The following WEE2 variants were observed in gnomAD, a reference collection of about 807,000 sequenced individuals.
The protein encoded by WEE2 is WEE2 oocyte meiosis inhibiting kinase, also known as wee1-like protein kinase 2.
In WEE2, 50 loss-of-function variants were observed where a neutral mutation model predicts 60.1. The observed-to-expected ratio is 0.83, with a 90% CI of 0.66 to 1.05. WEE2 has a LOEUF of 1.05. Ranked by LOEUF, WEE2 falls within the 50% of genes least tolerant of loss-of-function variation. The pLI is 0.00. For synonymous variants in WEE2, 240 were observed against 241.0 expected, an observed-to-expected ratio of 1.00 and a Z score of 0.04; for missense variants, 631 against 684.3, an observed-to-expected ratio of 0.92 and a Z score of 0.87.
intron 3 of WEE2, among the ~76,000 whole-genome samples, 156 bp from the exon 4 acceptor site, chr7:141,718,916 T>G (rs979056596): frequency 1.3e-5 from 2 of 152,222 alleles, no homozygotes; most frequent in African/African-American, 4.8e-5. Context: ...GGGGAGATTC[T>G]TGCTACCATG....
At position 141,711,856 on chromosome 7, in the gene WEE2, C is replaced by T. The variant is rs530458714; in HGVS notation, c.343-2353C>T. The T allele has an allele frequency of 6.6e-6, 1 of 152,292 alleles. No individual in the cohort carries two copies. The highest frequency in any genetic ancestry group is 2.4e-5 in the African/African-American group (1 of 41,492). The allele number at this position is 152,292 out of a possible 1,614,324, so 9.4% of individuals were successfully genotyped here. A position where few individuals can be genotyped will look rare whatever the true frequency, so the allele number is the denominator to read the frequency against. On this transcript the variant is annotated intron_variant, in intron 1 of 11. Coordinates refer to ENST00000397541, the MANE Select transcript of WEE2 (RefSeq NM_001105558.1). This position sits in a 1 kb window ranked among gnomAD's most constrained non-coding sequence, Gnocchi z 4.2. ...TGGCAGAAGGTGGACAGAAACAAGG[C>T]AGCTTGTTACATGGTGAGAGAAAAA...
chr7:141,729,634 C>T lies in WEE2; in HGVS notation c.1639C>T (p.Leu547=), dbSNP rs780486522. Residue 547 remains leucine (L), a synonymous_variant, in exon 11 of 12, where the codon CTG becomes TTG. Coordinates refer to ENST00000397541, the MANE Select transcript of WEE2 (RefSeq NM_001105558.1). ...THTGSRSTKR[L]VGGKSARSSS... is the part of the protein sequence containing the mutation. ...CACAGGATCAAGAAGCACAAAACGC[C>T]TGGTGGGAGGAAAGAGTGCAAGGTC... is the stretch of plus-strand genomic sequence containing the variant. 2.5e-6 allele frequency: 4 copies of T among 1,613,870 alleles called. No individual in the cohort carries two copies. The highest frequency in any genetic ancestry group is 3.4e-6 in the Non-Finnish European group (4 of 1,180,006).
At chr7:141,725,542 T>C (rs1182032875) in intron 9 of WEE2, among the ~76,000 whole-genome samples, 1 of 151,234 alleles carries the variant, frequency 6.6e-6, no homozygotes, top group Non-Finnish European at 1.5e-5. Context: ...GGAGAATGTC[T>C]TGAACCCAGG....
intron 5 of WEE2, among the ~76,000 whole-genome samples, chr7:141,721,827 C>T (rs536921676): frequency 5.9e-5 from 9 of 152,176 alleles, no homozygotes; most frequent in African/African-American, 9.6e-5. Context: ...CTAATTAATA[C>T]GTCATATATA....
chr7:141,709,949 C>T (rs1798685955), intron 1 of WEE2, among the ~76,000 whole-genome samples: 1 of 152,124 alleles, frequency 6.6e-6, no homozygotes, highest in Non-Finnish European at 1.5e-5. Context: ...CACTTAAGAT[C>T]ATCATAATAA....
intron 5 of WEE2, among the ~76,000 whole-genome samples, chr7:141,722,177 G>A (rs908478911): frequency 6.6e-6 from 1 of 152,068 alleles, no homozygotes; most frequent in Non-Finnish European, 1.5e-5. Context: ...AGGCCGAGGC[G>A]GGCAGATCAC....
chr7:141,717,733 A>G (rs944351922), intron 3 of WEE2, among the ~76,000 whole-genome samples: 1 of 152,224 alleles, frequency 6.6e-6, no homozygotes, highest in African/African-American at 2.4e-5. Flanking sequence ...AAGAGATTGT[A>G]TATTAAGATA....
chr7:141,721,010 A>G lies in WEE2; in HGVS notation c.834A>G (p.Ser278=), dbSNP rs1406046094. The change falls in exon 5 of 12, where the codon TCA becomes TCG. Residue 278 remains serine (S), a synonymous_variant. Coordinates refer to ENST00000397541, the MANE Select transcript of WEE2 (RefSeq NM_001105558.1). ...HHPHVVRYYS[S]WAEDDHMIIQ... is the part of the protein sequence containing the mutation. ...CCCATGTGGTACGTTACTATTCCTC[A>G]TGGGCAGAAGATGACCACATGATCA... is the stretch of plus-strand genomic sequence containing the variant. 3 of 1,614,080 alleles carry G rather than the reference A, an allele frequency of 1.9e-6. No individual in the cohort carries two copies. Among genetic ancestry groups the G allele is most frequent in the Non-Finnish European group, 2.5e-6 (3 of 1,180,038 alleles).
intron 8 of WEE2, 24 bp downstream of exon 8, chr7:141,724,299 T>G: frequency 6.3e-7 from 1 of 1,580,706 alleles, no homozygotes; most frequent in South Asian, 1.2e-5. Flanking sequence ...AAATGGAGGG[T>G]ATTTTATAAT....
At chr7:141,715,406 C>A (rs1008102733) in intron 2 of WEE2, among the ~76,000 whole-genome samples, 14 of 152,086 alleles carry the variant, frequency 9.2e-5, no homozygotes, top group African/African-American at 3.4e-4. Context: ...TTTATAAACA[C>A]TTCATAAAGT....
At chr7:141,715,041 T>C (rs1798773305) in intron 2 of WEE2, among the ~76,000 whole-genome samples, 1 of 152,242 alleles carries the variant, frequency 6.6e-6, no homozygotes, top group Non-Finnish European at 1.5e-5. Context: ...CAGTCATTTA[T>C]GTTCATATGT....
intron 9 of WEE2, 130 bp from the exon 10 acceptor site, chr7:141,727,174 C>T: frequency 1.0e-6 from 1 of 974,250 alleles, no homozygotes; most frequent in Non-Finnish European, 1.5e-6. Flanking sequence ...TCATTTCTTT[C>T]CTCTGCACAA....
At chr7:141,715,017 C>G (rs898425683) in intron 2 of WEE2, among the ~76,000 whole-genome samples, 2 of 152,172 alleles carry the variant, frequency 1.3e-5, no homozygotes, top group African/African-American at 4.8e-5. Flanking sequence ...AATGGAATCG[C>G]CTCCAAAGTG....
chr7:141,720,851 T>C, intron 4 of WEE2, 84 bp from the exon 5 acceptor site: 1 of 1,482,632 alleles, frequency 6.7e-7, no homozygotes, highest in East Asian at 2.3e-5. Context: ...CCATTGCTAG[T>C]AAAGCCTCAT....
chr7:141,730,239 T>C (rs1799114186), intron 11 of WEE2, 56 bp from the exon 12 acceptor site: 12 of 1,567,286 alleles, frequency 7.7e-6, no homozygotes, highest in South Asian at 1.1e-5. Flanking sequence ...TCTATTGTTA[T>C]ATTCCTAATG....
Position 141,711,984 on chromosome 7 carries a change from A to G in WEE2, c.343-2225A>G, listed in dbSNP as rs1224037938. Among the ~76,000 whole-genome samples the G allele has an allele frequency of 6.6e-6, 1 of 152,206 alleles. No homozygotes were observed. The highest frequency in any genetic ancestry group is 2.4e-5 in the African/African-American group (1 of 41,452). ...TGAGAACTGGTTCATTACCATGAGG[A>G]TGGCACCAAGGAATCTACCTCTGTA... On this transcript the variant is annotated intron_variant, in intron 1 of 11. Transcript: ENST00000397541. This position sits in a 1 kb window ranked among gnomAD's most constrained non-coding sequence, Gnocchi z 4.2.
intron 4 of WEE2, among the ~76,000 whole-genome samples, chr7:141,720,110 T>C (rs975177160): frequency 6.7e-6 from 1 of 150,350 alleles, no homozygotes; most frequent in South Asian, 2.1e-4. Context: ...GAATCTAGAA[T>C]TGCAGGTTTT....
Position 141,719,239 on chromosome 7 carries a change from A to G in WEE2, c.753A>G (p.Ser251=). ...KRSMKTFTEL[S]NENSALHEVY... ...CTATGAAAACTTTTACAGAATTATC[A>G]AATGAGTGAGTACCTTTGAAATGCA... The change falls in exon 4 of 12, where the codon TCA becomes TCG. Residue 251 remains serine, a synonymous_variant. Transcript: ENST00000397541. 6.2e-7 allele frequency: 1 copy of G among 1,606,482 alleles called. No homozygotes were observed. Among genetic ancestry groups the G allele is most frequent in the South Asian group, 1.1e-5 (1 of 89,152 alleles).
chr7:141,709,596 C>T (rs539416573), intron 1 of WEE2, among the ~76,000 whole-genome samples: 5 of 152,256 alleles, frequency 3.3e-5, no homozygotes, highest in East Asian at 1.9e-4. Flanking sequence ...AATATAAGAA[C>T]GTCCACACTC....
Sources: allele counts gnomAD v4.1 joint callset (sites outside exome capture counted in the v4.1 genomes callset), GRCh38; gene constraint gnomAD v4.1.1; non-coding constraint Gnocchi (gnomAD v3.1); transcripts MANE v1.5; gene names NCBI Gene and HGNC (gene_info 2026-07-23, HGNC 2026-07-21).